MYT1: variants seen among roughly 807,000 people sequenced by gnomAD.
The protein encoded by MYT1 is myelin transcription factor I.
MYT1 carries 23 observed loss-of-function variants against 123.0 expected under a neutral mutation model. That is an observed-to-expected ratio of 0.19 (90% CI 0.13 to 0.26). The LOEUF (loss-of-function observed/expected upper bound fraction) is 0.26. Among genes scored for constraint, MYT1 ranks in the 10% least tolerant of loss-of-function variants. MYT1 has a pLI of 1.00. For synonymous variants in MYT1, 518 were observed against 575.3 expected (o/e 0.90, Z 1.43); for missense variants, 1,125 against 1,472.5 (o/e 0.76, Z 3.86).
chr20:64,224,792 C>T (rs1984120257), intron 16 of MYT1, among the ~76,000 whole-genome samples: 2 of 152,080 alleles, frequency 1.3e-5, no homozygotes, highest in South Asian at 2.1e-4. Flanking sequence ...ATGGTTTTTC[C>T]CATTTGGGCC....
chr20:64,203,171 G>A lies in MYT1; in HGVS notation c.87-1864G>A, dbSNP rs1053267834. The stretch of plus-strand genomic sequence containing the variant: ...TCTGAGGCTGGGGCCGGAAGGTGCA[G>A]GCCCACCTTCCTGGGGACCAGGACT... On this transcript the variant is annotated intron_variant, in intron 4 of 22. Coordinates refer to ENST00000328439, the MANE Select transcript of MYT1 (RefSeq NM_004535.3). This position sits in a 1 kb window ranked among gnomAD's most constrained non-coding sequence, Gnocchi z 5.1. Among the ~76,000 whole-genome samples the A allele has an allele frequency of 6.6e-6, 1 of 152,224 alleles. No homozygotes were observed. The highest frequency in any genetic ancestry group is 2.4e-5 in the African/African-American group (1 of 41,458).
intron 12 of MYT1, 61 bp from the exon 13 acceptor site, chr20:64,219,652 A>T: frequency 7.0e-7 from 1 of 1,426,662 alleles, no homozygotes; most frequent in Non-Finnish European, 9.7e-7. Flanking sequence ...ATTCAAATGG[A>T]CCAGAAGGCA....
At chr20:64,214,448 C>T (rs1983780197) in intron 10 of MYT1, among the ~76,000 whole-genome samples, 1 of 152,216 alleles carries the variant, frequency 6.6e-6, no homozygotes. Context: ...GAATGTGTCC[C>T]ATTAGTGTCC....
At position 64,189,712 on chromosome 20, in the gene MYT1, G is replaced by T. The variant is rs546283382; in HGVS notation, c.-98-351G>T. On this transcript the variant is annotated intron_variant, in intron 1 of 22. Transcript: ENST00000328439. The surrounding 1 kb of genome is among the most constrained non-coding windows in gnomAD (Gnocchi z 5.5). ...ACTCATTAGTCAGCTCATTTTCAAA[G>T]TTGGAGGGGTGACATGCCAAGTTTT... Among the ~76,000 whole-genome samples, 10 of 152,342 alleles carry T rather than the reference G, an allele frequency of 6.6e-5. No individual in the cohort carries two copies. The South Asian group carries it at 1.4e-3, about 22-fold the overall frequency.
At chr20:64,194,111 C>T (rs949489088) in intron 2 of MYT1, among the ~76,000 whole-genome samples, 24 of 152,192 alleles carry the variant, frequency 1.6e-4, no homozygotes, top group African/African-American at 5.3e-4. Context: ...GTCCATCCAC[C>T]CATCCTTAAA....
chr20:64,195,748 A>G (rs1706378275), intron 2 of MYT1, among the ~76,000 whole-genome samples: 1 of 152,174 alleles, frequency 6.6e-6, no homozygotes, highest in African/African-American at 2.4e-5. Context: ...GACTTTACTA[A>G]ACAGAAATAT....
chr20:64,228,349 G>A (rs965213298), intron 18 of MYT1, among the ~76,000 whole-genome samples: 4 of 152,222 alleles, frequency 2.6e-5, no homozygotes, highest in African/African-American at 9.6e-5. Context: ...AGATGCAGGA[G>A]TCAAGGAGGA....
In MYT1 at chr20:64,192,673, C is replaced by T. The variant is rs926846873; in HGVS notation, c.-1+2513C>T. 1.3e-5 allele frequency among the ~76,000 whole-genome samples: 2 copies of T among 152,180 alleles called. No homozygotes were observed. Among genetic ancestry groups the T allele is most frequent in the East Asian group, 3.9e-4 (2 of 5,180 alleles). ...TATGCAGGAGCTGATGGTAGCTCCT[C>T]AACCCCCTTCTTGCCAAATATTCAG... is the stretch of plus-strand genomic sequence containing the variant. On this transcript the variant is annotated intron_variant, in intron 2 of 22. Coordinates refer to ENST00000328439, the MANE Select transcript of MYT1 (RefSeq NM_004535.3). This position sits in a 1 kb window ranked among gnomAD's most constrained non-coding sequence, Gnocchi z 5.3.
Position 64,212,266 on chromosome 20 carries a change from G to A in MYT1, c.1517+128G>A, listed in dbSNP as rs1410117831. On this transcript the variant is annotated intron_variant, in intron 9 of 22. Coordinates refer to ENST00000328439, the MANE Select transcript of MYT1 (RefSeq NM_004535.3). The surrounding 1 kb of genome is among the most constrained non-coding windows in gnomAD (Gnocchi z 6.8). ...GCCAGGGTGGGGGCCGTGGTGGGGGGCTCCACGTGGGGTAGGGCACCTGGG... is the reference window on the plus strand; with the variant it reads ...GCCAGGGTGGGGGCCGTGGTGGGGGACTCCACGTGGGGTAGGGCACCTGGG... 2.1e-6 allele frequency: 1 copy of A among 465,448 alleles called. No homozygotes were observed. Among genetic ancestry groups the A allele is most frequent in the East Asian group, 7.0e-5 (1 of 14,330 alleles). The allele number at this position is 465,448 out of a possible 1,614,324, so 28.8% of individuals were successfully genotyped here. A position where few individuals can be genotyped will look rare whatever the true frequency, so the allele number is the denominator to read the frequency against.
At chr20:64,225,551 G>A (rs998634471) in intron 16 of MYT1, among the ~76,000 whole-genome samples, 2 of 152,240 alleles carry the variant, frequency 1.3e-5, no homozygotes, top group African/African-American at 4.8e-5. Context: ...TGTGCAGGGT[G>A]AAGAATGCCT....
At chr20:64,173,545 T>G (rs80092439) in intron 1 of MYT1, among the ~76,000 whole-genome samples, 323 of 21,996 alleles carry the variant, frequency 0.015, no homozygotes, top group South Asian at 0.034. Context: ...ATCCTTCCCT[T>G]TAGTTGTGTC....
chr20:64,211,238 T>C lies in MYT1; in HGVS notation c.1324T>C (p.Cys442Arg). 1 of 1,613,912 alleles carries C rather than the reference T, an allele frequency of 6.2e-7. No homozygotes were observed. The highest frequency in any genetic ancestry group is 8.5e-7 in the Non-Finnish European group (1 of 1,179,816). Residue 442 changes from cysteine (C) to arginine (R), a missense_variant, in exon 8 of 23, where the codon TGT becomes CGT. This residue lies in a region of MYT1 where 429 missense variants were observed against 604.1 expected (regional missense o/e 0.71). Coordinates refer to ENST00000328439, the MANE Select transcript of MYT1 (RefSeq NM_004535.3). ...AAGAGCTGAGAAGCGTGAGATCAAGTGTCCAACACCAGGCTGTGATGGCAC... is the reference window on the plus strand; with the variant it reads ...AAGAGCTGAGAAGCGTGAGATCAAGCGTCCAACACCAGGCTGTGATGGCAC... ...PSRAEKREIK[C>R]PTPGCDGTGH... is the part of the protein sequence containing the mutation.
At chr20:64,200,055 A>AAAGG in intron 4 of MYT1, 133 bp downstream of exon 4, 4 of 1,058,446 alleles carry the variant, frequency 3.8e-6, no homozygotes, top group Non-Finnish European at 5.8e-6. Context: ...CCCTAAGGAG[A>AAAGG]CTGCCTTTCT....
Position 64,239,820 on chromosome 20 carries a change from C to G in MYT1, c.3154C>G (p.Gln1052Glu). 1.9e-6 allele frequency: 3 copies of G among 1,613,982 alleles called. No individual in the cohort carries two copies. The highest frequency in any genetic ancestry group is 2.5e-6 in the Non-Finnish European group (3 of 1,180,026). The change falls in exon 22 of 23, where the codon CAG becomes GAG. Residue 1052 changes from glutamine to glutamate, a missense_variant. Physicochemically the swap from Gln to Glu is conservative, Grantham distance 29 (BLOSUM62 2). Coordinates refer to ENST00000328439, the MANE Select transcript of MYT1 (RefSeq NM_004535.3). The part of the protein sequence containing the change: ...IEEENKLIEE[Q>E]NEALFLELSG... ...GGAGGAGAACAAGCTCATTGAGGAG[C>G]AGAATGAAGCCCTGTTTCTGGAGCT... is the stretch of plus-strand genomic sequence containing the variant.
At chr20:64,215,217 G>A (rs985901599) in intron 10 of MYT1, among the ~76,000 whole-genome samples, 1 of 152,206 alleles carries the variant, frequency 6.6e-6, no homozygotes, top group African/African-American at 2.4e-5. Flanking sequence ...CCCGTGTGAG[G>A]CCAGGCAGGG....
chr20:64,191,878 A>T lies in MYT1; in HGVS notation c.-1+1718A>T, dbSNP rs1982980712. On this transcript the variant is annotated intron_variant, in intron 2 of 22. Transcript: ENST00000328439. The surrounding 1 kb of genome is among the most constrained non-coding windows in gnomAD (Gnocchi z 4.1). Reference sequence around the variant, plus strand: ...TAAATATTGAATTAAAATATTATTTATCTTGATCATTGAGTTTTTGGCCTC... The same window carrying T: ...TAAATATTGAATTAAAATATTATTTTTCTTGATCATTGAGTTTTTGGCCTC... The T allele has an allele frequency of 6.6e-6, 1 of 152,164 alleles. No homozygotes were observed. The highest frequency in any genetic ancestry group is 1.5e-5 in the Non-Finnish European group (1 of 68,042). The allele number at this position is 152,164 out of a possible 1,614,324, so 9.4% of individuals were successfully genotyped here. A position where few individuals can be genotyped will look rare whatever the true frequency, so the allele number is the denominator to read the frequency against.
At position 64,180,791 on chromosome 20, in the gene MYT1, G is replaced by A. The variant is rs117924869; in HGVS notation, c.-98-9272G>A. Among the ~76,000 whole-genome samples, 74 of 152,308 alleles carry A rather than the reference G, an allele frequency of 4.9e-4. No homozygotes were observed. The East Asian group carries it at 0.013, about 28-fold the overall frequency. On this transcript the variant is annotated intron_variant, in intron 1 of 22. Transcript: ENST00000328439. The stretch of plus-strand genomic sequence containing the variant: ...TATCTTTCTTTATCTTCAGTGTTTC[G>A]CTGGTGGACCAAACAGTTTACCAGT...
chr20:64,226,315 C>T (rs1984167945), intron 16 of MYT1, among the ~76,000 whole-genome samples: 1 of 152,266 alleles, frequency 6.6e-6, no homozygotes, highest in Admixed American at 6.5e-5. Flanking sequence ...GCCGCCACAG[C>T]CCTTTGGGTG....
chr20:64,211,461 TC>T, intron 8 of MYT1, 121 bp downstream of exon 8: 1 of 1,045,946 alleles, frequency 9.6e-7, no homozygotes, highest in Non-Finnish European at 1.4e-6. Flanking sequence ...CTTTGGTTTG[TC>T]CAGATGCTCA....
Sources: allele counts gnomAD v4.1 joint callset (sites outside exome capture counted in the v4.1 genomes callset), GRCh38; gene constraint gnomAD v4.1.1; regional missense constraint gnomAD v4.1.1; non-coding constraint Gnocchi (gnomAD v3.1); transcripts MANE v1.5; gene names NCBI Gene and HGNC (gene_info 2026-07-23, HGNC 2026-07-21).